The following MRPS22 variants were observed in gnomAD, a reference collection of about 807,000 sequenced individuals.
MRPS22 encodes the protein mitochondrial ribosomal protein S22.
MRPS22 carries 30 observed loss-of-function variants against 44.0 expected under a neutral mutation model. The ratio of observed to expected loss-of-function variants is 0.68; its 90% confidence interval spans 0.51 to 0.93. The LOEUF (loss-of-function observed/expected upper bound fraction) is 0.93, where lower values mean the gene tolerates loss of function less well. Ranked by LOEUF, MRPS22 falls within the 40% of genes least tolerant of loss-of-function variation. The pLI, the probability that MRPS22 is intolerant of heterozygous loss-of-function variation, is 0.00. For synonymous variants in MRPS22, 165 were observed against 154.4 expected, an observed-to-expected ratio of 1.07 and a Z score of -0.51; for missense variants, 447 against 447.8, an observed-to-expected ratio of 1.00 and a Z score of 0.02.
At chr3:139,348,396 T>C (rs2107788129) in intron 3 of MRPS22, 72 bp downstream of exon 3, 4 of 1,497,730 alleles carry the variant, frequency 2.7e-6, no homozygotes, top group Admixed American at 1.7e-5. Context: ...AGAGATGATG[T>C]GACCTGGCTG....
chr3:139,353,854 CCA>C (rs1941196236), intron 6 of MRPS22, among the ~76,000 whole-genome samples: 1 of 152,218 alleles, frequency 6.6e-6, no homozygotes, highest in South Asian at 2.1e-4. Flanking sequence ...AATGAATTTT[CCA>C]CTTATAAAGT....
At chr3:139,344,551 A>T in intron 1 of MRPS22, 1 of 614,112 alleles carries the variant, frequency 1.6e-6, no homozygotes, top group Non-Finnish European at 2.9e-6. Context: ...CAGGAGAGGC[A>T]CTCAAACTAG....
At chr3:139,350,678 C>G (rs898917884) in intron 4 of MRPS22, 7 of 363,314 alleles carry the variant, frequency 1.9e-5, no homozygotes, top group South Asian at 9.1e-5. Flanking sequence ...CGCACCCCCC[C>G]CCCGCAATCC....
At chr3:139,352,814 G>T in intron 6 of MRPS22, 22 bp downstream of exon 6, 1 of 1,608,834 alleles carries the variant, frequency 6.2e-7, no homozygotes. Context: ...CTTAGTAAGT[G>T]AAAGAATCAT....
Position 139,357,004 on chromosome 3 carries a change from C to A in MRPS22, c.1073C>A (p.Ala358Glu). ...CAAGAAGCACTCAGTCGCCATTCTGCAGCTTCCTAAAAATATTTTAAAAAT... is the reference window on the plus strand; with the variant it reads ...CAAGAAGCACTCAGTCGCCATTCTGAAGCTTCCTAAAAATATTTTAAAAAT... ...TYQEALSRHS[A>E]AS Residue 358 changes from alanine (A) to glutamate (E), a missense_variant, in exon 8 of 8, where the codon GCA becomes GAA. By Grantham distance (107) the Ala-to-Glu change is moderately radical. Transcript: ENST00000680020. The A allele has an allele frequency of 3.7e-6, 6 of 1,608,542 alleles. No homozygotes were observed. The highest frequency in any genetic ancestry group is 5.1e-6 in the Non-Finnish European group (6 of 1,175,812).
chr3:139,350,093 A>G, intron 3 of MRPS22, 86 bp from the exon 4 acceptor site: 2 of 1,503,556 alleles, frequency 1.3e-6, no homozygotes, highest in Admixed American at 3.4e-5. Flanking sequence ...TTGATTGCAA[A>G]TTATTCTTAT....
At chr3:139,350,612 G>C (rs1043784860) in intron 4 of MRPS22, 2 of 427,190 alleles carry the variant, frequency 4.7e-6, no homozygotes, top group South Asian at 4.3e-5. Context: ...ATTTTTAGTA[G>C]AGATGGGGTT....
chr3:139,347,187 T>C, intron 2 of MRPS22, 143 bp downstream of exon 2: 1 of 1,001,194 alleles, frequency 1.0e-6, no homozygotes, highest in Non-Finnish European at 1.5e-6. Flanking sequence ...AGAAAAGAAA[T>C]GTGAGTAGGC....
chr3:139,346,799 T>C, intron 1 of MRPS22, 79 bp from the exon 2 acceptor site: 2 of 1,473,044 alleles, frequency 1.4e-6, no homozygotes, highest in South Asian at 1.1e-5. Context: ...TGCTTTTTAT[T>C]GTTAACTGAC....
chr3:139,345,444 T>TG (rs1941021974), intron 1 of MRPS22, among the ~76,000 whole-genome samples: 10 of 140,460 alleles, frequency 7.1e-5, no homozygotes, highest in Admixed American at 7.1e-4. Context: ...TGGTGTTTTT[T>TG]TTTTTGTTTT....
intron 3 of MRPS22, chr3:139,349,319 G>C (rs1490366752): frequency 4.5e-6 from 2 of 440,464 alleles, no homozygotes; most frequent in Non-Finnish European, 4.5e-6. Context: ...TTTTTTTTTC[G>C]ATTGGCAGTG....
chr3:139,351,794 T>C (rs1186371171), intron 5 of MRPS22: 1 of 153,666 alleles, frequency 6.5e-6, no homozygotes, highest in Non-Finnish European at 1.4e-5. Context: ...GCCATGTATA[T>C]GTAGGGGAGT....
At chr3:139,352,609 T>C (rs777662595) in intron 5 of MRPS22, 38 bp from the exon 6 acceptor site, 3 of 1,595,352 alleles carry the variant, frequency 1.9e-6, no homozygotes, top group African/African-American at 2.7e-5. Flanking sequence ...ATACTTCTTA[T>C]TTTCATGTTT....
At chr3:139,350,419 T>C (rs1941123276) in intron 4 of MRPS22, 97 bp downstream of exon 4, 1 of 1,406,896 alleles carries the variant, frequency 7.1e-7, no homozygotes, top group Non-Finnish European at 9.8e-7. Flanking sequence ...ACATTTCTAA[T>C]GATAACTTGA....
At chr3:139,355,959 G>A (rs2107792202) in intron 7 of MRPS22, among the ~76,000 whole-genome samples, 169 bp downstream of exon 7, 1 of 151,932 alleles carries the variant, frequency 6.6e-6, no homozygotes, top group South Asian at 2.1e-4. Flanking sequence ...CTGGACAATA[G>A]AAACAGACAG....
chr3:139,352,568 A>G (rs1256822860), intron 5 of MRPS22, 79 bp from the exon 6 acceptor site: 1 of 1,317,308 alleles, frequency 7.6e-7, no homozygotes, highest in Non-Finnish European at 1.1e-6. Context: ...GGCAGCACTC[A>G]TGCTAATCAG....
chr3:139,357,112 A>C lies in MRPS22; in HGVS notation c.*98A>C. ...AAAAATGGCCAGATTAAAAGATATC[A>C]ATTTGTAGTTCTCCCTACAAAGCAA... On this transcript the variant is annotated 3_prime_UTR_variant, in exon 8 of 8. Transcript: ENST00000680020. The C allele has an allele frequency of 9.8e-7, 1 of 1,024,004 alleles. No individual in the cohort carries two copies. Among genetic ancestry groups the C allele is most frequent in the Non-Finnish European group, 1.5e-6 (1 of 677,302 alleles). 63.4% of individuals were successfully genotyped at this position (1,024,004 alleles called of 1,614,324 possible).
intron 6 of MRPS22, 198 bp from the exon 7 acceptor site, chr3:139,355,484 C>T (rs914723936): frequency 4.3e-5 from 26 of 599,704 alleles, no homozygotes; most frequent in Non-Finnish European, 6.0e-5. Context: ...AGCTGCCTCA[C>T]GGAGTTGGTG....
rs377392370 is a variant in MRPS22, at chr3:139,354,620, C to T, written c.879-1062C>T. Among the ~76,000 whole-genome samples, 16 of 152,276 alleles carry T rather than the reference C, an allele frequency of 1.1e-4. No homozygotes were observed. The East Asian group carries it at 2.7e-3, about 26-fold the overall frequency. On this transcript the variant is annotated intron_variant, in intron 6 of 7. Transcript: ENST00000680020. Reference sequence around the variant, plus strand: ...GATGGCCTTTAGGGTAGATGAGCCTCAGTATAAGCCCAGAGCATTTCTCTA... The same window carrying T: ...GATGGCCTTTAGGGTAGATGAGCCTTAGTATAAGCCCAGAGCATTTCTCTA...
Sources: gnomAD v4.1 joint callset for allele counts (sites outside exome capture counted in the v4.1 genomes callset) on GRCh38, gnomAD v4.1.1 for gene constraint, MANE v1.5 for transcripts, NCBI Gene and HGNC (gene_info 2026-07-23, HGNC 2026-07-21) for gene names.